Variants in DNAH3 observed in about 807,000 individuals in gnomAD.
The protein encoded by DNAH3 is axonemal beta dynein heavy chain 3.
DNAH3 carries 332 observed loss-of-function variants against 432.5 expected under a neutral mutation model. That is an observed-to-expected ratio of 0.77 (90% CI 0.70 to 0.84). DNAH3 has a LOEUF of 0.84. Ranked by LOEUF, DNAH3 falls within the 40% of genes least tolerant of loss-of-function variation. The pLI is 0.00. For missense variants in DNAH3, 4,861 were observed against 5,114.0 expected (o/e 0.95, Z 1.51); for synonymous variants, 1,956 against 1,900.2 (o/e 1.03, Z -0.76).
chr16:20,988,212 G>A lies in DNAH3; in HGVS notation c.6602-147C>T. On this transcript the variant is annotated intron_variant, in intron 44 of 61. Coordinates refer to ENST00000261383, the Ensembl canonical transcript of DNAH3. The stretch of plus-strand genomic sequence containing the variant: ...GCAATATGGCAACCTCTAGCCACCT[G>A]CAGCAAATTTAAACTTAAATTAATT... 3 of 848,510 alleles carry A rather than the reference G, an allele frequency of 3.5e-6. No individual in the cohort carries two copies. The South Asian group carries it at 5.4e-5, about 15-fold the overall frequency. 52.6% of individuals were successfully genotyped at this position (848,510 alleles called of 1,614,324 possible).
chr16:21,046,676 T>C (rs1179096628), intron 31 of DNAH3, among the ~76,000 whole-genome samples: 2 of 152,322 alleles, frequency 1.3e-5, no homozygotes, highest in South Asian at 2.1e-4. Flanking sequence ...TCCATTTACA[T>C]TTAAAGTTAA....
At chr16:20,935,427 T>G in exon 61 of DNAH3, 2 of 1,613,386 alleles carry the variant, frequency 1.2e-6, no homozygotes, top group South Asian at 2.2e-5. Flanking sequence ...CAAAAAAGAC[T>G]GTGTGAAGTA....
chr16:20,953,524 G>A (rs934787486), intron 55 of DNAH3, among the ~76,000 whole-genome samples: 24 of 151,660 alleles, frequency 1.6e-4, no homozygotes, highest in African/African-American at 5.1e-4. Flanking sequence ...AATAAAATTC[G>A]TGTGCCAGCA....
chr16:21,096,079 T>C (rs983415676), intron 18 of DNAH3, among the ~76,000 whole-genome samples: 2 of 152,090 alleles, frequency 1.3e-5, no homozygotes, highest in Admixed American at 6.6e-5. Context: ...TTTCTTGTGT[T>C]TATAAATACT....
intron 5 of DNAH3, among the ~76,000 whole-genome samples, chr16:21,138,811 T>TA (rs368103118): frequency 0.63 from 91,753 of 146,136 alleles, 28,739 homozygotes; most frequent in East Asian, 0.81. Context: ...CTCCCTCTAA[T>TA]AAAAAAAAAA....
At chr16:21,112,673 G>A (rs990876706) in intron 12 of DNAH3, among the ~76,000 whole-genome samples, 3 of 152,126 alleles carry the variant, frequency 2.0e-5, no homozygotes, top group Admixed American at 1.3e-4. Context: ...AGATTTGGTG[G>A]GGACACAGCC....
chr16:21,051,180 C>T (rs894812756), intron 29 of DNAH3, among the ~76,000 whole-genome samples: 3 of 152,196 alleles, frequency 2.0e-5, no homozygotes, highest in African/African-American at 7.2e-5. Context: ...AACATCTAAA[C>T]ATCACAAAAC....
intron 18 of DNAH3, among the ~76,000 whole-genome samples, chr16:21,094,179 G>C (rs1371323470): frequency 6.6e-6 from 1 of 152,008 alleles, no homozygotes; most frequent in Non-Finnish European, 1.5e-5. Context: ...AATTTATAAA[G>C]ACCTCACAAA....
intron 8 of DNAH3, among the ~76,000 whole-genome samples, chr16:21,125,835 G>A (rs965973888): frequency 6.6e-6 from 1 of 152,102 alleles, no homozygotes; most frequent in Non-Finnish European, 1.5e-5. Context: ...AGAAGTTGAT[G>A]GTAGAAATCA....
At chr16:20,959,565 T>C (rs1277610134) in intron 53 of DNAH3, among the ~76,000 whole-genome samples, 161 bp from the exon 54 acceptor site, 2 of 149,770 alleles carry the variant, frequency 1.3e-5, no homozygotes, top group African/African-American at 2.5e-5. Flanking sequence ...AGCTCAGGAG[T>C]TGGAGACCAG....
At chr16:20,996,342 C>T (rs2086760590) in intron 44 of DNAH3, among the ~76,000 whole-genome samples, 2 of 152,132 alleles carry the variant, frequency 1.3e-5, no homozygotes, top group African/African-American at 4.8e-5. Context: ...CTATTGGTAG[C>T]TATGTGAACT....
intron 7 of DNAH3, among the ~76,000 whole-genome samples, chr16:21,132,250 T>C (rs752384701): frequency 6.6e-6 from 1 of 152,216 alleles, no homozygotes; most frequent in Non-Finnish European, 1.5e-5. Flanking sequence ...CCCTTAAGAC[T>C]GAACACGTTC....
intron 53 of DNAH3, among the ~76,000 whole-genome samples, chr16:20,960,386 T>C (rs2084764208): frequency 6.6e-6 from 1 of 152,166 alleles, no homozygotes; most frequent in Non-Finnish European, 1.5e-5. Flanking sequence ...ACCTTCATGT[T>C]ATGAAGGCCA....
At chr16:21,131,504 A>AGAGAGAAG (rs1567846329) in intron 7 of DNAH3, among the ~76,000 whole-genome samples, 2 of 139,180 alleles carry the variant, frequency 1.4e-5, no homozygotes, top group African/African-American at 2.8e-5. Flanking sequence ...GAGATGAGAG[A>AGAGAGAAG]GAAGGAAGGA....
At chr16:21,022,170 CTACCTT>C in intron 39 of DNAH3, 70 bp from the exon 40 acceptor site, 1 of 1,559,324 alleles carries the variant, frequency 6.4e-7, no homozygotes, top group Non-Finnish European at 8.8e-7. Flanking sequence ...AGAGCTTGGT[CTACCTT>C]GTGAGGCTAG....
chr16:21,051,148 A>C (rs1476394891), intron 29 of DNAH3, among the ~76,000 whole-genome samples: 1 of 152,242 alleles, frequency 6.6e-6, no homozygotes, highest in African/African-American at 2.4e-5. Context: ...CTCTCACTGT[A>C]AGGAAATATA....
intron 41 of DNAH3, among the ~76,000 whole-genome samples, chr16:21,009,975 A>C (rs2087512524): frequency 6.6e-6 from 1 of 151,868 alleles, no homozygotes; most frequent in African/African-American, 2.4e-5. Flanking sequence ...GGAGAAGAGA[A>C]GAGAAGAGAA....
chr16:21,038,988 C>T (rs1449060276), intron 33 of DNAH3, among the ~76,000 whole-genome samples: 1 of 152,114 alleles, frequency 6.6e-6, no homozygotes, highest in Non-Finnish European at 1.5e-5. Flanking sequence ...TAGATCAATA[C>T]AAGCCATTTT....
At chr16:21,008,065 T>C (rs150325085) in intron 41 of DNAH3, among the ~76,000 whole-genome samples, 1 of 152,348 alleles carries the variant, frequency 6.6e-6, no homozygotes, top group Non-Finnish European at 1.5e-5. Context: ...TATATTTCTG[T>C]TCTTTTGCCA....
Sources: gnomAD v4.1 joint callset for allele counts (sites outside exome capture counted in the v4.1 genomes callset) on GRCh38, gnomAD v4.1.1 for gene constraint, MANE v1.5 for transcripts, NCBI Gene and HGNC (gene_info 2026-07-23, HGNC 2026-07-21) for gene names.